CDH18: variants seen among roughly 807,000 people sequenced by gnomAD.
CDH18 encodes cadherin-18.
In CDH18, 31 loss-of-function variants were observed where a neutral mutation model predicts 67.9. That is an observed-to-expected ratio of 0.46 (90% confidence interval 0.34 to 0.62). CDH18 has a LOEUF of 0.62. CDH18 is among the 20% of genes least tolerant of loss of function. CDH18 has a pLI of 0.01. For synonymous variants in CDH18, 362 were observed against 347.2 expected (o/e 1.04, Z -0.48); for missense variants, 890 against 975.5 (o/e 0.91, Z 1.17).
intron 5 of CDH18, among the ~76,000 whole-genome samples, chr5:19,627,565 T>C (rs1261211770): frequency 6.6e-6 from 1 of 152,204 alleles, no homozygotes; most frequent in Non-Finnish European, 1.5e-5. Context: ...ATCAATTGAC[T>C]ATGTGGAATT....
At chr5:20,417,462 T>G (rs80174114) in intron 1 of CDH18, among the ~76,000 whole-genome samples, 2,471 of 152,308 alleles carry the variant, frequency 0.016, 19 homozygotes, top group Middle Eastern at 0.024. Context: ...TTAGCACAAT[T>G]CTATGATTTC....
chr5:20,202,738 C>G (rs1246250343), intron 2 of CDH18, among the ~76,000 whole-genome samples: 3 of 151,138 alleles, frequency 2.0e-5, no homozygotes, highest in Non-Finnish European at 4.4e-5. Context: ...TAGCTTTTAC[C>G]ATTAGCTTTA....
At chr5:20,323,997 G>A (rs917073445) in intron 1 of CDH18, among the ~76,000 whole-genome samples, 2 of 152,190 alleles carry the variant, frequency 1.3e-5, no homozygotes, top group African/African-American at 2.4e-5. Flanking sequence ...TGACACAAAA[G>A]TGGCAGATTA....
At chr5:19,674,052 T>C (rs920250755) in intron 5 of CDH18, among the ~76,000 whole-genome samples, 3 of 152,146 alleles carry the variant, frequency 2.0e-5, no homozygotes, top group Non-Finnish European at 4.4e-5. Context: ...ATAATTTTTC[T>C]AGATTACTAC....
At chr5:20,492,858 C>T (rs1396327201) in intron 1 of CDH18, among the ~76,000 whole-genome samples, 1 of 152,082 alleles carries the variant, frequency 6.6e-6, no homozygotes, top group Non-Finnish European at 1.5e-5. Flanking sequence ...AATCGCTGCA[C>T]TCATTGCTTA....
intron 5 of CDH18, among the ~76,000 whole-genome samples, chr5:19,666,517 A>T (rs1477090997): frequency 1.3e-5 from 2 of 152,126 alleles, no homozygotes; most frequent in East Asian, 1.9e-4. Context: ...CCACGAGCCA[A>T]TGAAGAACAC....
At chr5:20,119,211 T>A (rs1748159941) in intron 2 of CDH18, among the ~76,000 whole-genome samples, 1 of 152,196 alleles carries the variant, frequency 6.6e-6, no homozygotes, top group Admixed American at 6.5e-5. Context: ...TTACCTTTGC[T>A]AAAAGTAATT....
At chr5:19,493,327 G>A (rs893081067) in intron 11 of CDH18, among the ~76,000 whole-genome samples, 5 of 152,094 alleles carry the variant, frequency 3.3e-5, no homozygotes, top group Non-Finnish European at 7.4e-5. Flanking sequence ...TTAAATAACT[G>A]CTGTATACCC....
chr5:20,274,220 A>G (rs1042523755), intron 1 of CDH18, among the ~76,000 whole-genome samples: 1 of 152,196 alleles, frequency 6.6e-6, no homozygotes, highest in African/African-American at 2.4e-5. Flanking sequence ...CTCCAGAGCT[A>G]GAAAAATCAA....
At chr5:20,084,569 T>C (rs903581415) in intron 2 of CDH18, among the ~76,000 whole-genome samples, 1 of 152,192 alleles carries the variant, frequency 6.6e-6, no homozygotes. Context: ...ACCCCACATT[T>C]CCCTTCTGCA....
intron 2 of CDH18, among the ~76,000 whole-genome samples, chr5:19,941,073 T>C (rs1284320977): frequency 6.6e-6 from 1 of 152,038 alleles, no homozygotes; most frequent in Non-Finnish European, 1.5e-5. Flanking sequence ...ATCCCCAATA[T>C]GATAGTATTT....
chr5:19,620,674 G>A (rs1005102867), intron 5 of CDH18, among the ~76,000 whole-genome samples: 2 of 152,062 alleles, frequency 1.3e-5, no homozygotes, highest in African/African-American at 2.4e-5. Context: ...CATCACTAAA[G>A]ATGTTTCAAA....
In CDH18 at chr5:20,126,542, A is replaced by G. The variant is rs546593856; in HGVS notation, c.-518+128902T>C. On this transcript the variant is annotated intron_variant, in intron 2 of 14. Transcript: ENST00000507958. ...AAAGGGCAACCTACAGAATGAGAAA[A>G]AGTATTTTTAAATTACATATCTGAT... Among the ~76,000 whole-genome samples, 21 of 152,268 alleles carry G rather than the reference A, an allele frequency of 1.4e-4. No homozygotes were observed. In the South Asian group the frequency reaches 2.5e-3, roughly 18 times the overall value.
At chr5:19,587,641 T>C (rs989289217) in intron 7 of CDH18, among the ~76,000 whole-genome samples, 1 of 123,892 alleles carries the variant, frequency 8.1e-6, no homozygotes, top group African/African-American at 2.9e-5. Flanking sequence ...TTGTTTTCCA[T>C]TGGTCTGTGT....
intron 5 of CDH18, among the ~76,000 whole-genome samples, chr5:19,660,187 A>G (rs937623405): frequency 1.3e-5 from 2 of 152,030 alleles, no homozygotes; most frequent in Admixed American, 1.3e-4. Context: ...CATTATGAAC[A>G]TTTTTTCATT....
At chr5:20,141,842 G>T (rs1469543828) in intron 2 of CDH18, among the ~76,000 whole-genome samples, 1 of 151,886 alleles carries the variant, frequency 6.6e-6, no homozygotes, top group Admixed American at 6.6e-5. Context: ...ATTAACTGAA[G>T]GGGAGTTTTA....
chr5:20,493,367 A>T (rs1235482881), intron 1 of CDH18, among the ~76,000 whole-genome samples: 5 of 63,498 alleles, frequency 7.9e-5, no homozygotes, highest in African/African-American at 2.2e-4. Flanking sequence ...AAAAAAAAAA[A>T]AAAAAAAAAA....
At chr5:20,479,063 C>G (rs73764409) in intron 1 of CDH18, among the ~76,000 whole-genome samples, 8,365 of 152,162 alleles carry the variant, frequency 0.055, 764 homozygotes, top group African/African-American at 0.19. Context: ...GCTCCCCAAA[C>G]CATATATGGC....
At chr5:20,494,355 G>A (rs1753782817) in intron 1 of CDH18, among the ~76,000 whole-genome samples, 1 of 152,014 alleles carries the variant, frequency 6.6e-6, no homozygotes, top group Non-Finnish European at 1.5e-5. Context: ...AATGTCTGCA[G>A]GGAGTGTTCA....
Sources: allele counts gnomAD v4.1 joint callset (sites outside exome capture counted in the v4.1 genomes callset), GRCh38; gene constraint gnomAD v4.1.1; transcripts MANE v1.5; gene names NCBI Gene and HGNC (gene_info 2026-07-23, HGNC 2026-07-21).